Variants in SULF2 observed in about 807,000 individuals in gnomAD.
SULF2 encodes sulfatase 2.
Under a neutral mutation model 107.7 loss-of-function variants are expected in SULF2, and 52 were observed. That is an observed-to-expected ratio of 0.48 (90% confidence interval 0.39 to 0.61). The LOEUF is 0.61. SULF2 is among the 20% of genes least tolerant of loss of function. The pLI is 0.00. For synonymous variants in SULF2, 460 were observed against 464.3 expected, an observed-to-expected ratio of 0.99 and a Z score of 0.12; for missense variants, 993 against 1,177.3, an observed-to-expected ratio of 0.84 and a Z score of 2.29.
chr20:47,731,364 T>C (rs998643526), intron 3 of SULF2, among the ~76,000 whole-genome samples: 13 of 151,870 alleles, frequency 8.6e-5, no homozygotes, highest in African/African-American at 3.1e-4. Context: ...GGCTAATTTT[T>C]GTATTTTTAG....
chr20:47,703,219 T>C (rs780716712), intron 3 of SULF2, among the ~76,000 whole-genome samples: 2 of 152,222 alleles, frequency 1.3e-5, no homozygotes, highest in African/African-American at 4.8e-5. Context: ...TAAAACCTTG[T>C]AGAGAGCGAT....
intron 5 of SULF2, 48 bp from the exon 6 acceptor site, chr20:47,684,629 A>ACCCTGCCTGGC: frequency 6.3e-7 from 1 of 1,586,218 alleles, no homozygotes; most frequent in Non-Finnish European, 8.6e-7. Flanking sequence ...GACAGCCTGG[A>ACCCTGCCTGGC]CCCTGCCTGG....
intron 2 of SULF2, among the ~76,000 whole-genome samples, chr20:47,744,452 G>A (rs547007330): frequency 7.2e-5 from 11 of 152,256 alleles, no homozygotes; most frequent in African/African-American, 2.6e-4. Context: ...CAGCAAGAGG[G>A]CCACAGGTTT....
Position 47,690,862 on chromosome 20 carries a change from C to T in SULF2, c.568-567G>A, listed in dbSNP as rs543126692. Among the ~76,000 whole-genome samples the T allele has an allele frequency of 4.8e-3, 517 of 106,964 alleles. 4 individuals carry two copies. The highest frequency in any genetic ancestry group is 0.02 in the African/African-American group (480 of 24,006). The allele number at this position is 106,964 out of a possible 152,430, so 70.2% of individuals were successfully genotyped here. On this transcript the variant is annotated intron_variant, in intron 4 of 20. Coordinates refer to ENST00000688720, the MANE Select transcript of SULF2 (RefSeq NM_001387048.1). Reference sequence around the variant, plus strand: ...CCAGCCTGGGTGACAAAGCAAGACTCTGACTCAAAAAAAAAAAAAAAGATA... The same window carrying T: ...CCAGCCTGGGTGACAAAGCAAGACTTTGACTCAAAAAAAAAAAAAAAGATA...
At chr20:47,736,678 T>C (rs1347468678) in intron 3 of SULF2, 25 bp downstream of exon 3, 4 of 1,613,506 alleles carry the variant, frequency 2.5e-6, no homozygotes, top group Middle Eastern at 1.7e-4. Flanking sequence ...ACTCCCTTCC[T>C]GCACCTGCCC....
At chr20:47,706,940 A>G (rs910427486) in intron 3 of SULF2, 1 of 152,156 alleles carries the variant, frequency 6.6e-6, no homozygotes, top group Admixed American at 6.6e-5. Flanking sequence ...ATAAGCCCCC[A>G]CATAAATCGG....
chr20:47,745,382 GAAAAAAAAAAAAA>G (rs1158560282), intron 2 of SULF2, among the ~76,000 whole-genome samples: 1,133 of 51,632 alleles, frequency 0.022, 37 homozygotes, highest in African/African-American at 0.03. Context: ...AGTTTTGAGG[GAAAAAAAAAAAAA>G]AAAAAAAAAA....
rs115717400 is a variant in SULF2, at chr20:47,720,827, G to T, written c.415+15876C>A. On this transcript the variant is annotated intron_variant, in intron 3 of 20. Transcript: ENST00000688720. ...TGTCATTTGGCTTCCTGGGGCTCCC[G>T]GTCTGGGCAGCAGAGAACAATCCCA... 2.2e-3 allele frequency among the ~76,000 whole-genome samples: 335 copies of T among 152,260 alleles called. 1 individual carries two copies. The highest frequency in any genetic ancestry group is 7.9e-3 in the African/African-American group (328 of 41,548).
intron 3 of SULF2, among the ~76,000 whole-genome samples, chr20:47,711,484 C>T (rs1600543405): frequency 6.6e-6 from 1 of 152,336 alleles, no homozygotes; most frequent in East Asian, 1.9e-4. Context: ...AGAAAGCACC[C>T]GCTGCTTTCG....
chr20:47,749,806 G>A (rs1250318931), intron 2 of SULF2, among the ~76,000 whole-genome samples: 1 of 152,204 alleles, frequency 6.6e-6, no homozygotes, highest in Non-Finnish European at 1.5e-5. Flanking sequence ...CTCAGATTCA[G>A]TAAAGCACAA....
intron 3 of SULF2, among the ~76,000 whole-genome samples, chr20:47,714,239 G>A (rs752951652): frequency 1.7e-4 from 26 of 152,252 alleles, no homozygotes; most frequent in South Asian, 6.2e-4. Flanking sequence ...ACGTTTGGCC[G>A]TTTTTATGTA....
chr20:47,772,650 C>G (rs1164697613), intron 1 of SULF2, among the ~76,000 whole-genome samples: 1 of 151,980 alleles, frequency 6.6e-6, no homozygotes, highest in Non-Finnish European at 1.5e-5. Context: ...CCAATGTAGT[C>G]CAGGCCCTAC....
At chr20:47,728,585 C>G (rs13042366) in intron 3 of SULF2, among the ~76,000 whole-genome samples, 1 of 152,168 alleles carries the variant, frequency 6.6e-6, no homozygotes, top group Non-Finnish European at 1.5e-5. Flanking sequence ...TGGGCACTCT[C>G]TAGGCCTGGC....
At chr20:47,663,988 A>T in intron 15 of SULF2, 142 bp downstream of exon 15, 1 of 861,588 alleles carries the variant, frequency 1.2e-6, no homozygotes, top group Non-Finnish European at 1.8e-6. Flanking sequence ...ATTGGGAAGT[A>T]AGGCCTCTTC....
chr20:47,683,911 C>T (rs533278687), intron 6 of SULF2, among the ~76,000 whole-genome samples: 5 of 152,288 alleles, frequency 3.3e-5, no homozygotes, highest in East Asian at 1.9e-4. Flanking sequence ...ACAGCGTGTA[C>T]GATTCCATTT....
intron 5 of SULF2, among the ~76,000 whole-genome samples, chr20:47,688,613 G>C (rs1051837912): frequency 6.6e-6 from 1 of 152,172 alleles, no homozygotes; most frequent in Non-Finnish European, 1.5e-5. Flanking sequence ...GCGGTAGGGC[G>C]GGGTGCCGGC....
In SULF2 at chr20:47,747,497, T is replaced by TA. The variant is rs973490541; in HGVS notation, c.175+9691dup. The stretch of plus-strand genomic sequence containing the variant: ...CGTGGGAAAGGGCAGGGCTTGGGTG[T>TA]AATTGACGAGGCTCTGCAATGATTG... On this transcript the variant is annotated intron_variant, in intron 2 of 20. Coordinates refer to ENST00000688720, the MANE Select transcript of SULF2 (RefSeq NM_001387048.1). Among the ~76,000 whole-genome samples the TA allele has an allele frequency of 5.3e-5, 8 of 152,072 alleles. 1 individual carries two copies. The highest frequency in any genetic ancestry group is 5.2e-4 in the Admixed American group (8 of 15,268).
intron 1 of SULF2, among the ~76,000 whole-genome samples, chr20:47,768,717 C>T (rs1461001939): frequency 2.0e-5 from 3 of 152,220 alleles, no homozygotes; most frequent in African/African-American, 4.8e-5. Flanking sequence ...GGACCTGACT[C>T]GGCCACCCTG....
At position 47,680,468 on chromosome 20, in the gene SULF2, AC is replaced by A. The variant is rs2087787394; in HGVS notation, c.1065-1665del. ...ACTTAAGGGGTGTGCCCAGCACAGG[AC>A]CCAGGACCTGTTGAATGGTGGACAG... is the stretch of plus-strand genomic sequence containing the variant. On this transcript the variant is annotated intron_variant, in intron 7 of 20. Coordinates refer to ENST00000688720, the MANE Select transcript of SULF2 (RefSeq NM_001387048.1). This position sits in a 1 kb window ranked among gnomAD's most constrained non-coding sequence, Gnocchi z 4.2. Among the ~76,000 whole-genome samples the A allele has an allele frequency of 6.6e-6, 1 of 152,166 alleles. No homozygotes were observed. Among genetic ancestry groups the A allele is most frequent in the Non-Finnish European group, 1.5e-5 (1 of 68,024 alleles).
Sources: gnomAD v4.1 joint callset for allele counts (sites outside exome capture counted in the v4.1 genomes callset) on GRCh38, gnomAD v4.1.1 for gene constraint, Gnocchi (gnomAD v3.1) non-coding constraint, MANE v1.5 for transcripts, NCBI Gene and HGNC (gene_info 2026-07-23, HGNC 2026-07-21) for gene names.